Variants in SLC1A2 observed in about 807,000 individuals in gnomAD.
SLC1A2 encodes the protein solute carrier family 1 member 2.
In SLC1A2, 15 loss-of-function variants were observed where a neutral mutation model predicts 48.8. The observed-to-expected ratio is 0.31, with a 90% confidence interval of 0.21 to 0.47. SLC1A2 has a LOEUF of 0.47. Ranked by LOEUF, SLC1A2 falls within the 20% of genes least tolerant of loss-of-function variation. The pLI is 0.99. For synonymous variants in SLC1A2, 279 were observed against 272.6 expected, an observed-to-expected ratio of 1.02 and a Z score of -0.23; for missense variants, 502 against 730.5, an observed-to-expected ratio of 0.69 and a Z score of 3.61.
intron 1 of SLC1A2, among the ~76,000 whole-genome samples, chr11:35,388,254 A>G (rs1036732490): frequency 6.6e-6 from 1 of 152,264 alleles, no homozygotes; most frequent in African/African-American, 2.4e-5. Flanking sequence ...ATTTATTTAA[A>G]ATGTCTTTCA....
rs978771995 is a variant in SLC1A2 at position 35,306,126 on chromosome 11, A to G, written c.678T>C (p.Thr226=). 5 of 1,613,938 alleles carry G rather than the reference A, an allele frequency of 3.1e-6. No individual in the cohort carries two copies. In the African/African-American group the frequency reaches 6.7e-5, roughly 22 times the overall value. The change falls in exon 5 of 11, where the codon ACT becomes ACC. Residue 226 remains threonine (T), a synonymous_variant. Transcript: ENST00000278379. ...CCAGGCCCTTCTTGATAACCATCTT[A>G]GTCTCCTCCGGCACCTCAGTCACAG... ...NETVTEVPEE[T]KMVIKKGLEF... is the part of the protein sequence containing the mutation.
chr11:35,262,073 C>T (rs1950402423), intron 10 of SLC1A2, among the ~76,000 whole-genome samples: 1 of 152,184 alleles, frequency 6.6e-6, no homozygotes, highest in African/African-American at 2.4e-5. Flanking sequence ...AATACACAGA[C>T]CAACAAGACA....
chr11:35,371,134 GCC>G, intron 1 of SLC1A2: 1 of 955,068 alleles, frequency 1.0e-6, no homozygotes, highest in Non-Finnish European at 1.2e-6. Context: ...AGAACCCTTT[GCC>G]TCATTCATCC....
chr11:35,295,689 T>C (rs1205780778), intron 6 of SLC1A2, among the ~76,000 whole-genome samples: 1 of 152,328 alleles, frequency 6.6e-6, no homozygotes, highest in East Asian at 1.9e-4. Flanking sequence ...CTGTTCTCTG[T>C]TTTCAGGGCC....
At chr11:35,373,707 G>T (rs1272523375) in intron 1 of SLC1A2, among the ~76,000 whole-genome samples, 1 of 152,160 alleles carries the variant, frequency 6.6e-6, no homozygotes, top group Non-Finnish European at 1.5e-5. Flanking sequence ...TGGGCAAGGG[G>T]CATACTTGTC....
At chr11:35,374,907 A>T (rs1432097770) in intron 1 of SLC1A2, among the ~76,000 whole-genome samples, 2 of 152,244 alleles carry the variant, frequency 1.3e-5, no homozygotes, top group Non-Finnish European at 2.9e-5. Context: ...GTACATGTGT[A>T]TAGTCAGTTC....
chr11:35,257,988 A>T lies in SLC1A2; in HGVS notation c.*2906T>A, dbSNP rs2134574813. 1 of 152,366 alleles carries T rather than the reference A, an allele frequency of 6.6e-6. No individual in the cohort carries two copies. Among genetic ancestry groups the T allele is most frequent in the East Asian group, 1.9e-4 (1 of 5,188 alleles). The allele number at this position is 152,366 out of a possible 1,614,324, so 9.4% of individuals were successfully genotyped here. On this transcript the variant is annotated 3_prime_UTR_variant, in exon 11 of 11. Transcript: ENST00000278379. ...TACATATAATTGACAGGTTAAATGT[A>T]TTCTATTTAGATAAAGGTTATTAGA...
At chr11:35,390,820 C>T (rs1283288598) in intron 1 of SLC1A2, 3 of 152,090 alleles carry the variant, frequency 2.0e-5, no homozygotes, top group African/African-American at 7.2e-5. Flanking sequence ...CATCAGCCCC[C>T]ACACCCAGCT....
At chr11:35,296,024 G>A (rs938305779) in intron 6 of SLC1A2, among the ~76,000 whole-genome samples, 40 of 152,328 alleles carry the variant, frequency 2.6e-4, no homozygotes, top group African/African-American at 7.2e-4. Flanking sequence ...AGCTCCCCAG[G>A]TAATTCTGAT....
rs1490040766 is a variant in SLC1A2, at chr11:35,251,872, G to C, written c.*9022C>G. 6.6e-6 allele frequency: 1 copy of C among 152,616 alleles called. No homozygotes were observed. Among genetic ancestry groups the C allele is most frequent in the Non-Finnish European group, 1.5e-5 (1 of 68,036 alleles). The allele number at this position is 152,616 out of a possible 1,614,324, so 9.5% of individuals were successfully genotyped here. On this transcript the variant is annotated 3_prime_UTR_variant, in exon 11 of 11. Transcript: ENST00000278379. ...CTCTGTCCTTGGGGAGGAGAAAGGG[G>C]TTACAGGAACTATAGACCTCACAGC...
chr11:35,336,919 A>G (rs530814892), intron 1 of SLC1A2, among the ~76,000 whole-genome samples: 3 of 152,302 alleles, frequency 2.0e-5, no homozygotes, highest in African/African-American at 7.2e-5. Context: ...CAAATTTTCC[A>G]TTCAGTGTAC....
chr11:35,322,620 A>G, intron 1 of SLC1A2: 3 of 1,535,206 alleles, frequency 2.0e-6, no homozygotes, highest in Non-Finnish European at 2.6e-6. Flanking sequence ...CAGGATCTGG[A>G]GAGGTACTGG....
intron 1 of SLC1A2, among the ~76,000 whole-genome samples, chr11:35,414,325 G>A (rs1565312852): frequency 6.6e-6 from 1 of 152,012 alleles, no homozygotes; most frequent in Admixed American, 6.6e-5. Flanking sequence ...TAATACTGCG[G>A]GCCCATTGTC....
Position 35,410,131 on chromosome 11 carries a change from T to A in SLC1A2, c.17+8819A>T, listed in dbSNP as rs1649409044. Reference sequence around the variant, plus strand: ...GTTTTTATTTTTTAAGATAGAGCTTTATTTAGTTCCTTATTTATTTCTAAC... The same window carrying A: ...GTTTTTATTTTTTAAGATAGAGCTTAATTTAGTTCCTTATTTATTTCTAAC... On this transcript the variant is annotated intron_variant, in intron 1 of 10. Transcript: ENST00000278379. Among the ~76,000 whole-genome samples, 5 of 132,026 alleles carry A rather than the reference T, an allele frequency of 3.8e-5. 1 individual carries two copies. The South Asian group carries it at 1.3e-3, about 34-fold the overall frequency. 86.6% of individuals were successfully genotyped at this position (132,026 alleles called of 152,430 possible).
intron 1 of SLC1A2, among the ~76,000 whole-genome samples, chr11:35,334,943 A>C (rs1397491262): frequency 6.6e-6 from 1 of 152,198 alleles, no homozygotes; most frequent in Non-Finnish European, 1.5e-5. Context: ...CAGATGAGAA[A>C]GCAAAGTTAA....
intron 2 of SLC1A2, 89 bp from the exon 3 acceptor site, chr11:35,315,264 T>C: frequency 1.1e-6 from 1 of 889,220 alleles, no homozygotes. Context: ...CATTGACCTT[T>C]CTCATGCTTC....
chr11:35,322,201 C>A (rs914438370), intron 1 of SLC1A2, among the ~76,000 whole-genome samples: 2 of 152,136 alleles, frequency 1.3e-5, no homozygotes, highest in African/African-American at 4.8e-5. Context: ...CTTTCTCATG[C>A]AAATCCACGT....
Position 35,253,335 on chromosome 11 carries a change from A to T in SLC1A2, c.*7559T>A, listed in dbSNP as rs1950269013. 3 of 152,776 alleles carry T rather than the reference A, an allele frequency of 2.0e-5. No individual in the cohort carries two copies. In the Middle Eastern group the frequency reaches 0.01, roughly 520 times the overall value. The allele number at this position is 152,776 out of a possible 1,614,324, so 9.5% of individuals were successfully genotyped here. A position where few individuals can be genotyped will look rare whatever the true frequency, so the allele number is the denominator to read the frequency against. On this transcript the variant is annotated 3_prime_UTR_variant, in exon 11 of 11. Coordinates refer to ENST00000278379, the MANE Select transcript of SLC1A2 (RefSeq NM_004171.4). ...ATTTACCACTAATTTGCTTGGCAAG[A>T]ATTAACTGCAACAAATCTGTCCTGA...
chr11:35,286,939 C>T lies in SLC1A2; in HGVS notation c.1104G>A (p.Leu368=). Residue 368 remains leucine (L), a synonymous_variant, in exon 8 of 11, where the codon TTG becomes TTA. Coordinates refer to ENST00000278379, the MANE Select transcript of SLC1A2 (RefSeq NM_004171.4). ...ALGTASSAGT[L]PVTFRCLEEN... ...CTTCCAGGCAACGAAAGGTGACAGG[C>T]AAAGTTCCAGCACTGAGAACAAAGA... 1 of 1,613,826 alleles carries T rather than the reference C, an allele frequency of 6.2e-7. No individual in the cohort carries two copies. Among genetic ancestry groups the T allele is most frequent in the Non-Finnish European group, 8.5e-7 (1 of 1,179,776 alleles).
Sources: gnomAD v4.1 joint callset for allele counts (sites outside exome capture counted in the v4.1 genomes callset) on GRCh38, gnomAD v4.1.1 for gene constraint, MANE v1.5 for transcripts, NCBI Gene and HGNC (gene_info 2026-07-23, HGNC 2026-07-21) for gene names.